ARHGEF38: variants seen among roughly 807,000 people sequenced by gnomAD.
The protein encoded by ARHGEF38 is Rho guanine nucleotide exchange factor (GEF) 38.
ARHGEF38 carries 79 observed loss-of-function variants against 79.9 expected under a neutral mutation model. That is an observed-to-expected ratio of 0.99 (90% CI 0.82 to 1.19). The LOEUF (loss-of-function observed/expected upper bound fraction) is 1.19. ARHGEF38 is among the 50% of genes most tolerant of loss of function. ARHGEF38 has a pLI of 0.00. For missense variants in ARHGEF38, 962 were observed against 907.2 expected (o/e 1.06, Z -0.78); for synonymous variants, 366 against 328.3 (o/e 1.11, Z -1.24).
chr4:105,597,117 G>A (rs1355985244), intron 2 of ARHGEF38, among the ~76,000 whole-genome samples: 1 of 152,160 alleles, frequency 6.6e-6, no homozygotes, highest in Non-Finnish European at 1.5e-5. Context: ...TCATTGAGCA[G>A]AGGACAGAAT....
chr4:105,568,063 G>A (rs1726026627), intron 1 of ARHGEF38, among the ~76,000 whole-genome samples: 1 of 150,218 alleles, frequency 6.7e-6, no homozygotes, highest in Non-Finnish European at 1.5e-5. Flanking sequence ...ATAGTTTACT[G>A]AGAATGATGA....
At chr4:105,582,397 A>T (rs915356790) in intron 1 of ARHGEF38, among the ~76,000 whole-genome samples, 2 of 151,590 alleles carry the variant, frequency 1.3e-5, no homozygotes, top group Admixed American at 6.6e-5. Flanking sequence ...TTCTGTAAGC[A>T]GTGCTTTACC....
intron 2 of ARHGEF38, among the ~76,000 whole-genome samples, chr4:105,611,230 T>C (rs1446921332): frequency 6.6e-6 from 1 of 152,124 alleles, no homozygotes; most frequent in African/African-American, 2.4e-5. Flanking sequence ...TTACTGCTGA[T>C]AGTTTATCTT....
At chr4:105,598,042 G>A (rs1213884969) in intron 2 of ARHGEF38, among the ~76,000 whole-genome samples, 1 of 151,866 alleles carries the variant, frequency 6.6e-6, no homozygotes, top group Non-Finnish European at 1.5e-5. Flanking sequence ...GTTTTCAGAG[G>A]GGTAGAGACT....
At chr4:105,609,369 T>C (rs1728188127) in intron 2 of ARHGEF38, among the ~76,000 whole-genome samples, 1 of 152,076 alleles carries the variant, frequency 6.6e-6, no homozygotes, top group East Asian at 1.9e-4. Flanking sequence ...GTTATTATGC[T>C]GGTACCATGC....
At chr4:105,675,686 T>A (rs970422062) in intron 13 of ARHGEF38, among the ~76,000 whole-genome samples, 1 of 152,206 alleles carries the variant, frequency 6.6e-6, no homozygotes, top group South Asian at 2.1e-4. Context: ...CTGGTTGGCT[T>A]ATAAACAACA....
chr4:105,584,937 C>G (rs369612790), intron 1 of ARHGEF38, among the ~76,000 whole-genome samples: 1 of 152,174 alleles, frequency 6.6e-6, no homozygotes, highest in Non-Finnish European at 1.5e-5. Context: ...GTTCTCCCCA[C>G]GCATATACCC....
chr4:105,565,491 G>T (rs577196150), intron 1 of ARHGEF38, among the ~76,000 whole-genome samples: 1 of 152,280 alleles, frequency 6.6e-6, no homozygotes, highest in African/African-American at 2.4e-5. Context: ...AGCATGGAGA[G>T]GGATGAAAGA....
chr4:105,557,983 C>T (rs1012992080), intron 1 of ARHGEF38, among the ~76,000 whole-genome samples: 2 of 152,024 alleles, frequency 1.3e-5, no homozygotes, highest in Non-Finnish European at 2.9e-5. Flanking sequence ...TTACCACTGC[C>T]GGTAACACAA....
intron 3 of ARHGEF38, among the ~76,000 whole-genome samples, chr4:105,616,701 C>T (rs755101901): frequency 1.3e-5 from 2 of 152,078 alleles, no homozygotes; most frequent in African/African-American, 4.8e-5. Context: ...AAGAAAGTTG[C>T]TGAGCCTATA....
intron 3 of ARHGEF38, among the ~76,000 whole-genome samples, chr4:105,619,677 T>C (rs1193625594): frequency 6.6e-6 from 1 of 151,870 alleles, no homozygotes; most frequent in African/African-American, 2.4e-5. Flanking sequence ...AGAAATAGGG[T>C]AAAGGCCTCA....
chr4:105,677,824 C>T lies in ARHGEF38; in HGVS notation c.2221C>T (p.His741Tyr), dbSNP rs1336896093. 1.3e-6 allele frequency: 2 copies of T among 1,535,432 alleles called. No individual in the cohort carries two copies. Among genetic ancestry groups the T allele is most frequent in the Non-Finnish European group, 1.7e-6 (2 of 1,146,376 alleles). Reference sequence around the variant, plus strand: ...CAGCCTTCAGGAATACCAGAGAGTTCATATACTCAGGTTTTGTGACCTAAG... The same window carrying T: ...CAGCCTTCAGGAATACCAGAGAGTTTATATACTCAGGTTTTGTGACCTAAG... ...ELSLQEYQRV[H>Y]ILRFCDLSGN... Residue 741 changes from histidine (H) to tyrosine (Y), a missense_variant, in exon 14 of 14, where the codon CAT becomes TAT. His to Tyr is a moderately conservative substitution (Grantham distance 83). Coordinates refer to ENST00000420470, the MANE Select transcript of ARHGEF38 (RefSeq NM_001242729.2).
rs181576067 is a variant in ARHGEF38, at chr4:105,587,334, T to A, written c.197-1914T>A. On this transcript the variant is annotated intron_variant, in intron 1 of 13. Coordinates refer to ENST00000420470, the MANE Select transcript of ARHGEF38 (RefSeq NM_001242729.2). ...GAAAACAAAAAACAAAAAAACAAAT[T>A]AGCAAGCACCCCCAAATTCTCATAA... Among the ~76,000 whole-genome samples the A allele has an allele frequency of 5.3e-5, 8 of 152,170 alleles. No homozygotes were observed. In the East Asian group the frequency reaches 1.5e-3, roughly 29 times the overall value.
At chr4:105,655,573 C>T (rs1053224972) in intron 8 of ARHGEF38, 30 bp from the exon 9 acceptor site, 4 of 1,532,068 alleles carry the variant, frequency 2.6e-6, no homozygotes, top group East Asian at 2.4e-5. Context: ...CAAAACTTGC[C>T]TTTTTTGTAA....
intron 2 of ARHGEF38, among the ~76,000 whole-genome samples, chr4:105,601,138 C>T (rs1265434994): frequency 6.6e-6 from 1 of 152,162 alleles, no homozygotes; most frequent in Non-Finnish European, 1.5e-5. Flanking sequence ...ACCTAATATA[C>T]TCATGATGAC....
chr4:105,595,806 T>C (rs926580644), intron 2 of ARHGEF38, among the ~76,000 whole-genome samples: 2 of 152,110 alleles, frequency 1.3e-5, no homozygotes, highest in Non-Finnish European at 2.9e-5. Flanking sequence ...TACTATATTG[T>C]TTAGGGAATA....
intron 13 of ARHGEF38, among the ~76,000 whole-genome samples, chr4:105,676,007 G>A (rs1004511720): frequency 1.3e-5 from 2 of 152,126 alleles, no homozygotes; most frequent in South Asian, 4.1e-4. Context: ...TTCTTTCCTT[G>A]GGGAGCAGCT....
chr4:105,603,923 T>C (rs1381318627), intron 2 of ARHGEF38, among the ~76,000 whole-genome samples: 1 of 152,206 alleles, frequency 6.6e-6, no homozygotes, highest in Non-Finnish European at 1.5e-5. Flanking sequence ...CTTTGGTATC[T>C]GATAGCTAAG....
At chr4:105,600,572 G>A (rs1727778573) in intron 2 of ARHGEF38, among the ~76,000 whole-genome samples, 3 of 152,144 alleles carry the variant, frequency 2.0e-5, no homozygotes, top group Admixed American at 6.6e-5. Context: ...ATCTGATGTA[G>A]TTCATGGCTT....
Sources: gnomAD v4.1 joint callset for allele counts (sites outside exome capture counted in the v4.1 genomes callset) on GRCh38, gnomAD v4.1.1 for gene constraint, MANE v1.5 for transcripts, NCBI Gene and HGNC (gene_info 2026-07-23, HGNC 2026-07-21) for gene names.